Variants in ESRRG observed in about 807,000 individuals in gnomAD.
ESRRG encodes the protein estrogen related receptor gamma.
A neutral mutation model predicts 44.0 loss-of-function variants in ESRRG; 13 were observed. That is an observed-to-expected ratio of 0.30 (90% CI 0.19 to 0.47). ESRRG has a LOEUF of 0.47. Among genes scored for constraint, ESRRG ranks in the 20% least tolerant of loss-of-function variants. The pLI, the probability that ESRRG is intolerant of heterozygous loss-of-function variation, is 1.00. For missense variants in ESRRG, 395 were observed against 580.6 expected, an observed-to-expected ratio of 0.68 and a Z score of 3.29; for synonymous variants, 215 against 214.6, an observed-to-expected ratio of 1.00 and a Z score of -0.02.
At chr1:216,797,184 G>A (rs2094494005) in intron 2 of ESRRG, among the ~76,000 whole-genome samples, 1 of 152,080 alleles carries the variant, frequency 6.6e-6, no homozygotes, top group African/African-American at 2.4e-5. Flanking sequence ...GCCACCGTGC[G>A]CGGCCTCCTA....
intron 1 of ESRRG, among the ~76,000 whole-genome samples, chr1:217,120,259 G>A (rs917280619): frequency 6.7e-6 from 1 of 150,296 alleles, no homozygotes; most frequent in African/African-American, 2.5e-5. Flanking sequence ...CCTCATCCTA[G>A]AAATATTTTA....
rs375726208 is a variant in ESRRG, at chr1:217,055,582, T to C, written c.-106+33925A>G. 5.5e-4 allele frequency among the ~76,000 whole-genome samples: 84 copies of C among 152,222 alleles called. 1 individual carries two copies. Among genetic ancestry groups the C allele is most frequent in the African/African-American group, 2.0e-3 (83 of 41,528 alleles). ...CCCCAAAACCAGGGCTTCAACCCCC[T>C]GTACAGCCATGGGATAGGCTGGGGC... On this transcript the variant is annotated intron_variant, in intron 1 of 7. Transcript: ENST00000359162.
intron 2 of ESRRG, among the ~76,000 whole-genome samples, chr1:216,734,078 T>C (rs571758237): frequency 6.6e-6 from 1 of 151,476 alleles, no homozygotes; most frequent in Non-Finnish European, 1.5e-5. Flanking sequence ...GGCCCTCTCC[T>C]CTGTGTCCTA....
At position 216,771,816 on chromosome 1, in the gene ESRRG, G is replaced by GTTTT. The variant is rs72464828; in HGVS notation, c.-13-94329_-13-94326dup. Among the ~76,000 whole-genome samples, 628 of 128,098 alleles carry GTTTT rather than the reference G, an allele frequency of 4.9e-3. 11 individuals are homozygous for GTTTT. Among genetic ancestry groups the GTTTT allele is most frequent in the African/African-American group, 0.017 (597 of 34,406 alleles). 84.0% of individuals were successfully genotyped at this position (128,098 alleles called of 152,430 possible). ...GTATTTTTATTTTTAAGTTTGTGGT[G>GTTTT]TTTTTTTTTTTTTTTTTTGAAAGAC... is the stretch of plus-strand genomic sequence containing the variant. On this transcript the variant is annotated intron_variant, in intron 2 of 7. Transcript: ENST00000359162.
rs1491573707 is a variant in ESRRG, at chr1:216,912,170, GAA to G, written c.-14+27410_-14+27411del. 6.1e-3 allele frequency among the ~76,000 whole-genome samples: 173 copies of G among 28,176 alleles called. 19 individuals are homozygous for G. The highest frequency in any genetic ancestry group is 0.014 in the East Asian group (9 of 634). The allele number at this position is 28,176 out of a possible 152,430, so 18.5% of individuals were successfully genotyped here. A position where few individuals can be genotyped will look rare whatever the true frequency, so the allele number is the denominator to read the frequency against. ...GAAAAGAAAAGAAAAGAAAAGAAAA[GAA>G]AAGAAAAGAAAAGGAGAGGAGAGGA... On this transcript the variant is annotated intron_variant, in intron 2 of 7. Coordinates refer to the ESRRG transcript ENST00000359162.
intron 6 of ESRRG, among the ~76,000 whole-genome samples, chr1:216,511,434 AAACAAC>A (rs58208125): frequency 6.6e-5 from 10 of 151,186 alleles, no homozygotes; most frequent in East Asian, 3.9e-4. Flanking sequence ...ATGATCACAT[AAACAAC>A]AACAACAACA....
chr1:216,765,777 G>A (rs1460604528), intron 2 of ESRRG, among the ~76,000 whole-genome samples: 1 of 152,090 alleles, frequency 6.6e-6, no homozygotes. Context: ...ACTGGCAGTG[G>A]GGCGTTCCAC....
intron 6 of ESRRG, among the ~76,000 whole-genome samples, chr1:216,508,817 C>T (rs976688274): frequency 6.6e-6 from 1 of 152,114 alleles, no homozygotes; most frequent in Non-Finnish European, 1.5e-5. Context: ...TATGGGGAAA[C>T]ACTATGGTGA....
chr1:216,796,682 C>T (rs904564316), intron 2 of ESRRG, among the ~76,000 whole-genome samples: 7 of 152,042 alleles, frequency 4.6e-5, no homozygotes, highest in Non-Finnish European at 1.0e-4. Context: ...TCCTGAGGAA[C>T]CTTATCTTCC....
intron 1 of ESRRG, among the ~76,000 whole-genome samples, chr1:217,066,259 T>TTTC: frequency 1.2e-5 from 1 of 84,142 alleles, no homozygotes; most frequent in African/African-American, 4.0e-5. Context: ...TCTTTTCTTT[T>TTTC]TTTTTTTTTT....
At chr1:216,765,030 G>A (rs1576304982) in intron 2 of ESRRG, among the ~76,000 whole-genome samples, 1 of 152,162 alleles carries the variant, frequency 6.6e-6, no homozygotes, top group East Asian at 1.9e-4. Flanking sequence ...GCAGTAATCT[G>A]GAGTATAAAT....
intron 2 of ESRRG, among the ~76,000 whole-genome samples, chr1:216,753,113 C>T (rs2092180476): frequency 6.6e-6 from 1 of 151,290 alleles, no homozygotes. Context: ...AACCTATAAG[C>T]ATTACCAATT....
chr1:217,135,897 G>T (rs371981742), intron 1 of ESRRG, among the ~76,000 whole-genome samples: 2 of 152,200 alleles, frequency 1.3e-5, no homozygotes, highest in Admixed American at 6.5e-5. Context: ...AGGAGCAGGC[G>T]TGCATTTTGC....
upstream of ESRRG, among the ~76,000 whole-genome samples, chr1:217,093,822 C>A (rs949080643): frequency 4.6e-5 from 7 of 151,318 alleles, no homozygotes; most frequent in African/African-American, 1.5e-4. Context: ...AAACCCTACA[C>A]TTTACAAAAC....
At chr1:217,076,851 C>T (rs891855851) in intron 1 of ESRRG, 10 of 152,120 alleles carry the variant, frequency 6.6e-5, no homozygotes, top group African/African-American at 2.4e-4. Context: ...AAGGTACTTA[C>T]CAGTGAAAAT....
intron 1 of ESRRG, among the ~76,000 whole-genome samples, chr1:216,951,923 C>A (rs919833826): frequency 2.0e-5 from 3 of 151,532 alleles, no homozygotes; most frequent in Non-Finnish European, 4.4e-5. Flanking sequence ...CATAAAGGTT[C>A]TGCACTTCTA....
chr1:216,912,188 G>GAAAAGAAA (rs2060507012), intron 2 of ESRRG, among the ~76,000 whole-genome samples: 2 of 9,512 alleles, frequency 2.1e-4, no homozygotes. Context: ...AAGAAAAGGA[G>GAAAAGAAA]AGGAGAGGAG....
chr1:216,859,987 G>C (rs1821788), intron 2 of ESRRG, among the ~76,000 whole-genome samples: 1 of 152,086 alleles, frequency 6.6e-6, no homozygotes, highest in Admixed American at 6.5e-5. Flanking sequence ...ACAAAGGCCA[G>C]GTGCAGTGGC....
chr1:216,522,500 C>T (rs2046396007), intron 5 of ESRRG, among the ~76,000 whole-genome samples: 1 of 151,994 alleles, frequency 6.6e-6, no homozygotes, highest in Non-Finnish European at 1.5e-5. Flanking sequence ...TACCCCTTTC[C>T]TACCACACCA....
Sources: gnomAD v4.1 joint callset for allele counts (sites outside exome capture counted in the v4.1 genomes callset) on GRCh38, gnomAD v4.1.1 for gene constraint, MANE v1.5 for transcripts, NCBI Gene and HGNC (gene_info 2026-07-23, HGNC 2026-07-21) for gene names.